Variants in HSF5 observed in about 807,000 individuals in gnomAD.
The protein encoded by HSF5 is heat shock factor protein 5.
A neutral mutation model predicts 50.8 loss-of-function variants in HSF5; 5 were observed. The ratio of observed to expected loss-of-function variants is 0.10; its 90% CI spans 0.05 to 0.21. The LOEUF is 0.21. HSF5 is among the 10% of genes least tolerant of loss of function. The pLI is 1.00. For synonymous variants in HSF5, 307 were observed against 307.4 expected, an observed-to-expected ratio of 1.00 and a Z score of 0.02; for missense variants, 564 against 762.6, an observed-to-expected ratio of 0.74 and a Z score of 3.07.
rs575406434 is a variant in HSF5 at position 58,446,137 on chromosome 17, C to CAAA, written c.1720+12628_1720+12630dup. ...GGGCGACAAGAGTGAAACTCCATCTCAAAAAAAAAAAAAAAAAAAGGTTAA... is the reference window on the plus strand; with the variant it reads ...GGGCGACAAGAGTGAAACTCCATCTCAAAAAAAAAAAAAAAAAAAAAAGGTTAA... On this transcript the variant is annotated intron_variant, in intron 5 of 5. Coordinates refer to ENST00000323777, the MANE Select transcript of HSF5 (RefSeq NM_001080439.3). Among the ~76,000 whole-genome samples, 248 of 47,772 alleles carry CAAA rather than the reference C, an allele frequency of 5.2e-3. 2 individuals carry two copies. Among genetic ancestry groups the CAAA allele is most frequent in the African/African-American group, 0.018 (238 of 13,046 alleles). 31.3% of individuals were successfully genotyped at this position (47,772 alleles called of 152,430 possible). A position where few individuals can be genotyped will look rare whatever the true frequency, so the allele number is the denominator to read the frequency against.
chr17:58,473,748 A>G (rs1456724759), intron 2 of HSF5, among the ~76,000 whole-genome samples: 1 of 152,248 alleles, frequency 6.6e-6, no homozygotes, highest in Non-Finnish European at 1.5e-5. Flanking sequence ...TCTGATGGCA[A>G]CTTTTTAGTT....
In HSF5 at chr17:58,431,449, T is replaced by C. The variant is rs140031967; in HGVS notation, c.1721-9019A>G. 5.8e-3 allele frequency among the ~76,000 whole-genome samples: 885 copies of C among 152,310 alleles called. 5 individuals carry two copies. Among genetic ancestry groups the C allele is most frequent in the African/African-American group, 9.3e-3 (387 of 41,558 alleles). On this transcript the variant is annotated intron_variant, in intron 5 of 5. Coordinates refer to ENST00000323777, the MANE Select transcript of HSF5 (RefSeq NM_001080439.3). ...ACAATCTTACGGGACCACTGTTCCA[T>C]ATACATGGTCTGTCATTGACTGAAT...
At chr17:58,451,443 A>C (rs1016493170) in intron 5 of HSF5, among the ~76,000 whole-genome samples, 2 of 152,224 alleles carry the variant, frequency 1.3e-5, no homozygotes, top group Non-Finnish European at 2.9e-5. Context: ...TTAGGCCATA[A>C]AAGAAGTCTT....
intron 1 of HSF5, 71 bp from the exon 2 acceptor site, chr17:58,480,338 T>C: frequency 7.0e-7 from 1 of 1,429,468 alleles, no homozygotes; most frequent in South Asian, 1.4e-5. Flanking sequence ...CCAAAGGTCA[T>C]AAAATATGCT....
rs958256080 is a variant in HSF5 at position 58,488,339 on chromosome 17, C to T, written c.-65G>A. 2.0e-5 allele frequency: 28 copies of T among 1,371,840 alleles called. No individual in the cohort carries two copies. Among genetic ancestry groups the T allele is most frequent in the Admixed American group, 3.9e-5 (1 of 25,534 alleles). 85.0% of individuals were successfully genotyped at this position (1,371,840 alleles called of 1,614,324 possible). Reference sequence around the variant, plus strand: ...CTCCCACACCGTTCTCGATCCCTCCCCGGCCTTCGCCTCGCCCTGCCCGCT... The same window carrying T: ...CTCCCACACCGTTCTCGATCCCTCCTCGGCCTTCGCCTCGCCCTGCCCGCT... On this transcript the variant is annotated 5_prime_UTR_variant, in exon 1 of 6. Transcript: ENST00000323777. The surrounding 1 kb of genome is among the most constrained non-coding windows in gnomAD (Gnocchi z 4.1).
At chr17:58,468,694 G>A (rs1350808902) in intron 2 of HSF5, among the ~76,000 whole-genome samples, 2 of 152,066 alleles carry the variant, frequency 1.3e-5, no homozygotes, top group Admixed American at 6.6e-5. Flanking sequence ...AGTTCATGAA[G>A]ATATACTAGA....
At chr17:58,476,240 C>T in intron 2 of HSF5, 3 of 907,130 alleles carry the variant, frequency 3.3e-6, no homozygotes, top group East Asian at 2.5e-5. Flanking sequence ...TCCTTCTCTT[C>T]ATCATCATCA....
At chr17:58,426,713 T>G (rs1003709432) in intron 5 of HSF5, among the ~76,000 whole-genome samples, 5 of 152,196 alleles carry the variant, frequency 3.3e-5, no homozygotes, top group African/African-American at 1.2e-4. Flanking sequence ...CACAATGAGA[T>G]TAATATTTGG....
chr17:58,459,998 A>G (rs1034906222), intron 4 of HSF5, among the ~76,000 whole-genome samples: 4 of 151,870 alleles, frequency 2.6e-5, no homozygotes, highest in African/African-American at 9.7e-5. Flanking sequence ...TATAAAATCT[A>G]TATCTGCCCT....
intron 5 of HSF5, among the ~76,000 whole-genome samples, chr17:58,457,216 C>T (rs573227495): frequency 8.8e-4 from 132 of 150,754 alleles, no homozygotes; most frequent in African/African-American, 3.0e-3. Context: ...GCCAAGATCA[C>T]GCCATTGCAC....
At chr17:58,430,878 C>T (rs531132312) in intron 5 of HSF5, among the ~76,000 whole-genome samples, 2 of 152,230 alleles carry the variant, frequency 1.3e-5, no homozygotes, top group Non-Finnish European at 2.9e-5. Context: ...ATTTTGTCCC[C>T]GCACAAATAT....
chr17:58,429,580 T>C (rs910983862), intron 5 of HSF5, among the ~76,000 whole-genome samples: 1 of 151,902 alleles, frequency 6.6e-6, no homozygotes, highest in Non-Finnish European at 1.5e-5. Context: ...GCGTGGTGGC[T>C]CACACCTGTA....
Position 58,487,955 on chromosome 17 carries a change from G to T in HSF5, c.320C>A (p.Pro107Gln). ...GTGCGGGTTGTGGAAGTGATGGAGC[G>T]GCCCATTGCCTGCCGGTTTGCCGCC... ...PGGGKPAGNG[P>Q]LHHFHNPHFR... Residue 107 changes from proline to glutamine, a missense_variant, in exon 1 of 6, where the codon CCG becomes CAG. Pro to Gln is a moderately conservative substitution (Grantham distance 76). Around this residue, in one of 5 missense-constraint regions of HSF5, gnomAD observed 29 missense variants for 24.7 expected, o/e 1.18. Coordinates refer to ENST00000323777, the MANE Select transcript of HSF5 (RefSeq NM_001080439.3). 6.2e-7 allele frequency: 1 copy of T among 1,611,458 alleles called. No homozygotes were observed. Among genetic ancestry groups the T allele is most frequent in the Non-Finnish European group, 8.5e-7 (1 of 1,179,368 alleles).
chr17:58,477,089 G>T, intron 2 of HSF5: 1 of 453,038 alleles, frequency 2.2e-6, no homozygotes, highest in East Asian at 4.0e-5. Flanking sequence ...CCTGACGACA[G>T]GTATGGGCTA....
chr17:58,482,285 T>G (rs1342902005), intron 1 of HSF5, among the ~76,000 whole-genome samples: 1 of 152,154 alleles, frequency 6.6e-6, no homozygotes, highest in Non-Finnish European at 1.5e-5. Flanking sequence ...CTATTTTTCC[T>G]TTATTCCTTT....
chr17:58,457,409 G>A (rs2143772670), intron 5 of HSF5, among the ~76,000 whole-genome samples: 1 of 152,064 alleles, frequency 6.6e-6, no homozygotes, highest in East Asian at 1.9e-4. Flanking sequence ...GACCAGCCTG[G>A]CCAACATGGT....
intron 2 of HSF5, among the ~76,000 whole-genome samples, chr17:58,468,095 C>T (rs1367910373): frequency 1.3e-5 from 2 of 152,126 alleles, no homozygotes; most frequent in South Asian, 2.1e-4. Flanking sequence ...AAAGCACACG[C>T]TCTTTAATAT....
At chr17:58,428,515 C>T (rs1301152520) in intron 5 of HSF5, among the ~76,000 whole-genome samples, 1 of 151,908 alleles carries the variant, frequency 6.6e-6, no homozygotes, top group Admixed American at 6.6e-5. Flanking sequence ...AAAAATTAGC[C>T]AGGTGTGGTG....
At chr17:58,456,397 C>G (rs1248210752) in intron 5 of HSF5, among the ~76,000 whole-genome samples, 1 of 151,818 alleles carries the variant, frequency 6.6e-6, no homozygotes, top group East Asian at 1.9e-4. Flanking sequence ...TAGTAAATAC[C>G]AGAGGCTGGG....
Sources: gnomAD v4.1 joint callset for allele counts (sites outside exome capture counted in the v4.1 genomes callset) on GRCh38, gnomAD v4.1.1 for gene constraint, gnomAD v4.1.1 regional missense constraint, Gnocchi (gnomAD v3.1) non-coding constraint, MANE v1.5 for transcripts, NCBI Gene and HGNC (gene_info 2026-07-23, HGNC 2026-07-21) for gene names.